MCC: variants seen among roughly 807,000 people sequenced by gnomAD.
The protein encoded by MCC is colorectal mutant cancer protein.
In MCC, 90 loss-of-function variants were observed where a neutral mutation model predicts 116.2. The ratio of observed to expected loss-of-function variants is 0.77; its 90% CI spans 0.65 to 0.92. The LOEUF (loss-of-function observed/expected upper bound fraction) is 0.92. Among genes scored for constraint, MCC ranks in the 40% least tolerant of loss-of-function variants. The pLI, the probability that MCC is intolerant of heterozygous loss-of-function variation, is 0.00. For synonymous variants in MCC, 578 were observed against 510.5 expected, an observed-to-expected ratio of 1.13 and a Z score of -1.78; for missense variants, 1,516 against 1,312.2, an observed-to-expected ratio of 1.16 and a Z score of -2.40.
intron 14 of MCC, among the ~76,000 whole-genome samples, chr5:113,056,410 C>G (rs1752835467): frequency 6.6e-6 from 1 of 152,182 alleles, no homozygotes; most frequent in South Asian, 2.1e-4. Context: ...AGAATGAGGT[C>G]ATGTCATTTG....
intron 1 of MCC, among the ~76,000 whole-genome samples, chr5:113,408,355 A>G (rs1769893419): frequency 6.6e-6 from 1 of 152,224 alleles, no homozygotes; most frequent in Admixed American, 6.5e-5. Context: ...AAAAGAAAAA[A>G]GAGGGAAGGG....
chr5:113,282,313 G>A (rs542338383), intron 3 of MCC, among the ~76,000 whole-genome samples: 6 of 152,218 alleles, frequency 3.9e-5, no homozygotes, highest in Non-Finnish European at 5.9e-5. Flanking sequence ...TAAAGAAGAC[G>A]CTCCATCTTT....
intron 6 of MCC, among the ~76,000 whole-genome samples, chr5:113,118,281 A>C (rs1049540739): frequency 1.3e-5 from 2 of 151,866 alleles, no homozygotes; most frequent in South Asian, 2.1e-4. Flanking sequence ...CTAAGCAATA[A>C]CTCCTACCTT....
chr5:113,222,883 T>C lies in MCC; in HGVS notation c.628-71461A>G, dbSNP rs147398552. Among the ~76,000 whole-genome samples the C allele has an allele frequency of 3.9e-3, 590 of 151,912 alleles. 5 individuals carry two copies. Among genetic ancestry groups the C allele is most frequent in the African/African-American group, 0.014 (575 of 41,386 alleles). ...ACAACCCTGGGGTAGGATGTAGGAGTCTTCAAGGAAGGCTCTCCTGTGGGT... is the reference window on the plus strand; with the variant it reads ...ACAACCCTGGGGTAGGATGTAGGAGCCTTCAAGGAAGGCTCTCCTGTGGGT... On this transcript the variant is annotated intron_variant, in intron 3 of 18. Transcript: ENST00000408903.
intron 14 of MCC, among the ~76,000 whole-genome samples, chr5:113,061,502 G>T (rs1753215521): frequency 6.6e-6 from 1 of 152,158 alleles, no homozygotes; most frequent in African/African-American, 2.4e-5. Flanking sequence ...CTGTCCATAA[G>T]ACTATTATAC....
intron 4 of MCC, among the ~76,000 whole-genome samples, chr5:113,145,465 C>T (rs1759438747): frequency 2.6e-5 from 4 of 152,180 alleles, no homozygotes; most frequent in African/African-American, 2.4e-5. Flanking sequence ...TTTCTCTACT[C>T]CTTCTTTTTT....
chr5:113,067,964 T>C, intron 13 of MCC, 116 bp downstream of exon 13: 1 of 880,388 alleles, frequency 1.1e-6, no homozygotes, highest in Non-Finnish European at 1.9e-6. Context: ...AAAAACACAC[T>C]TGACAACCAA....
Position 113,421,214 on chromosome 5 carries a change from C to T in MCC, c.171-36002G>A, listed in dbSNP as rs1383149172. The stretch of plus-strand genomic sequence containing the variant: ...TAATTTTTGTATTTTTTAGTAGAAA[C>T]GGGGTTTCTCCAGGTTGTTCAGGCT... On this transcript the variant is annotated intron_variant, in intron 1 of 18. Transcript: ENST00000408903. 2.6e-5 allele frequency among the ~76,000 whole-genome samples: 4 copies of T among 151,948 alleles called. No homozygotes were observed. The Middle Eastern group carries it at 0.01, about 388-fold the overall frequency.
chr5:113,159,450 T>C (rs988509429), intron 3 of MCC, among the ~76,000 whole-genome samples: 7 of 152,184 alleles, frequency 4.6e-5, no homozygotes, highest in African/African-American at 1.7e-4. Context: ...TCTAGTCCAA[T>C]TCCTTCATTG....
At chr5:113,454,710 CTAT>C (rs1771496613) in intron 1 of MCC, among the ~76,000 whole-genome samples, 1 of 152,068 alleles carries the variant, frequency 6.6e-6, no homozygotes, top group Non-Finnish European at 1.5e-5. Context: ...AGTCCATCAA[CTAT>C]AAAATTTATT....
At chr5:113,429,672 C>T (rs1487666436) in intron 1 of MCC, among the ~76,000 whole-genome samples, 1 of 152,078 alleles carries the variant, frequency 6.6e-6, no homozygotes, top group Non-Finnish European at 1.5e-5. Flanking sequence ...ATTTTCAGGC[C>T]CTGGCTAGAT....
intron 3 of MCC, among the ~76,000 whole-genome samples, chr5:113,278,228 ACCTGT>A (rs1765900797): frequency 6.6e-6 from 1 of 152,142 alleles, no homozygotes; most frequent in Non-Finnish European, 1.5e-5. Flanking sequence ...AAGATCCTTA[ACCTGT>A]CTGAGCTTCT....
At chr5:113,146,197 T>C (rs902642513) in intron 4 of MCC, among the ~76,000 whole-genome samples, 1 of 40,030 alleles carries the variant, frequency 2.5e-5, no homozygotes, top group Non-Finnish European at 5.9e-5. Flanking sequence ...AATGAGACTG[T>C]GCTGGGTGCT....
chr5:113,216,695 T>G (rs565808685), intron 3 of MCC, among the ~76,000 whole-genome samples: 1 of 152,374 alleles, frequency 6.6e-6, no homozygotes, highest in African/African-American at 2.4e-5. Flanking sequence ...ACACAGTCAT[T>G]CAACTGATGA....
At chr5:113,289,685 A>T (rs1423566498) in intron 3 of MCC, among the ~76,000 whole-genome samples, 1 of 152,224 alleles carries the variant, frequency 6.6e-6, no homozygotes, top group East Asian at 1.9e-4. Context: ...TTCACAGGCA[A>T]CATTAGTTTG....
chr5:113,172,286 AT>A (rs1761113052), intron 3 of MCC, among the ~76,000 whole-genome samples: 1 of 152,208 alleles, frequency 6.6e-6, no homozygotes, highest in African/African-American at 2.4e-5. Context: ...GGTCTCAGGC[AT>A]CAAACTCTCA....
At chr5:113,458,119 G>T (rs1771629881) in intron 1 of MCC, among the ~76,000 whole-genome samples, 1 of 152,196 alleles carries the variant, frequency 6.6e-6, no homozygotes, top group Non-Finnish European at 1.5e-5. Context: ...AAAGCAGGCT[G>T]CCCGAGCTAG....
intron 12 of MCC, among the ~76,000 whole-genome samples, chr5:113,069,476 C>T (rs976722790): frequency 2.6e-5 from 4 of 152,272 alleles, no homozygotes; most frequent in Non-Finnish European, 5.9e-5. Context: ...GCAGTAGGAA[C>T]ATTTCCTCTT....
At chr5:113,278,319 C>T (rs993024316) in intron 3 of MCC, among the ~76,000 whole-genome samples, 2 of 152,176 alleles carry the variant, frequency 1.3e-5, no homozygotes, top group African/African-American at 4.8e-5. Context: ...GAAGGCCATT[C>T]ACTAGAAAGT....
Sources: gnomAD v4.1 joint callset for allele counts (sites outside exome capture counted in the v4.1 genomes callset) on GRCh38, gnomAD v4.1.1 for gene constraint, MANE v1.5 for transcripts, NCBI Gene and HGNC (gene_info 2026-07-23, HGNC 2026-07-21) for gene names.